The following ITGAM variants were observed in gnomAD, a reference collection of about 807,000 sequenced individuals.
ITGAM encodes integrin alpha-M.
ITGAM carries 79 observed loss-of-function variants against 137.5 expected under a neutral mutation model. The ratio of observed to expected loss-of-function variants is 0.57; its 90% confidence interval spans 0.48 to 0.69. The LOEUF is 0.69. Ranked by LOEUF, ITGAM falls within the 30% of genes least tolerant of loss-of-function variation. The pLI, the probability that ITGAM is intolerant of heterozygous loss-of-function variation, is 0.00. For synonymous variants in ITGAM, 583 were observed against 592.3 expected, an observed-to-expected ratio of 0.98 and a Z score of 0.23; for missense variants, 1,343 against 1,483.5, an observed-to-expected ratio of 0.91 and a Z score of 1.56.
At chr16:31,330,264 C>T (rs1414891665) in intron 26 of ITGAM, 44 bp from the exon 27 acceptor site, 1 of 1,586,686 alleles carries the variant, frequency 6.3e-7, no homozygotes, top group Non-Finnish European at 8.7e-7. Flanking sequence ...GTGTTCTCTG[C>T]CTTCGGCTTC....
chr16:31,324,386 C>T lies in ITGAM; in HGVS notation c.2003-13C>T, dbSNP rs1212029298. On this transcript the variant is annotated splice_polypyrimidine_tract_variant and intron_variant, in intron 16 of 29. Transcript: ENST00000544665. The surrounding 1 kb of genome is among the most constrained non-coding windows in gnomAD (Gnocchi z 4.5). ...CTCAGGCCCCTCACTGCTGTGCCAC[C>T]CTGTCCCTTCAGGACAGATCCAGAG... 1.9e-6 allele frequency: 3 copies of T among 1,550,996 alleles called. No homozygotes were observed. Among genetic ancestry groups the T allele is most frequent in the South Asian group, 2.4e-5 (2 of 84,046 alleles).
chr16:31,302,962 TTC>T (rs1225281488), intron 14 of ITGAM, among the ~76,000 whole-genome samples: 13 of 137,708 alleles, frequency 9.4e-5, no homozygotes, highest in East Asian at 4.4e-4. Context: ...CTTTCTTTCT[TTC>T]TTTCTTTCTT....
chr16:31,308,779 A>G (rs1332158297), intron 14 of ITGAM, among the ~76,000 whole-genome samples: 14 of 152,096 alleles, frequency 9.2e-5, no homozygotes, highest in South Asian at 2.1e-4. Context: ...GCTTTCTCTT[A>G]TGGGCATTTA....
chr16:31,262,390 T>G (rs143863026), intron 2 of ITGAM, among the ~76,000 whole-genome samples: 2,916 of 141,422 alleles, frequency 0.021, 168 homozygotes, highest in African/African-American at 0.077. Context: ...CTTCCTTCCT[T>G]CCTTCCTTCC....
chr16:31,261,558 C>A, intron 1 of ITGAM, 134 bp from the exon 2 acceptor site: 2 of 505,918 alleles, frequency 4.0e-6, no homozygotes, highest in Non-Finnish European at 7.2e-6. Context: ...CTCTCTGTTG[C>A]TCAGGCTGGA....
In ITGAM at chr16:31,275,667, A is replaced by G. The variant is rs1413829873; in HGVS notation, c.977A>G (p.Asn326Ser). The change falls in exon 9 of 30, where the codon AAC becomes AGC. Residue 326 changes from asparagine to serine, a missense_variant. By Grantham distance (46) the Asn-to-Ser change is conservative. Coordinates refer to ENST00000544665, the MANE Select transcript of ITGAM (RefSeq NM_000632.4). Reference sequence around the variant, plus strand: ...TTTGAGGCTCTGAAGACCATTCAGAACCAGCTTCGGGAGAAGATCTTTGCG... The same window carrying G: ...TTTGAGGCTCTGAAGACCATTCAGAGCCAGCTTCGGGAGAAGATCTTTGCG... ...NNFEALKTIQNQLREKIFAIE... is the reference protein window; with the variant it reads ...NNFEALKTIQSQLREKIFAIE... 6.2e-7 allele frequency: 1 copy of G among 1,613,814 alleles called. No individual in the cohort carries two copies. Among genetic ancestry groups the G allele is most frequent in the African/African-American group, 1.3e-5 (1 of 74,918 alleles).
chr16:31,261,481 C>T (rs1439250776), intron 1 of ITGAM, among the ~76,000 whole-genome samples: 1 of 151,622 alleles, frequency 6.6e-6, no homozygotes, highest in Admixed American at 6.6e-5. Context: ...CACACCCAGC[C>T]ATTGCTTTCT....
In ITGAM at chr16:31,331,207, C is replaced by T. The variant is rs1488948722; in HGVS notation, c.3319C>T (p.Pro1107Ser). The change falls in exon 29 of 30, where the codon CCG becomes TCG. Residue 1107 changes from proline to serine, a missense_variant. Coordinates refer to ENST00000544665, the MANE Select transcript of ITGAM (RefSeq NM_000632.4). ...VEPFEVPNPLPLIVGSSVGGL... is the reference protein window; with the variant it reads ...VEPFEVPNPLSLIVGSSVGGL... ...GCCGTTCGAGGTCCCCAACCCCCTG[C>T]CGCTCATCGTGGGCAGCTCTGTCGG... 2 of 1,613,456 alleles carry T rather than the reference C, an allele frequency of 1.2e-6. No homozygotes were observed.
rs2079897598 is a variant in ITGAM, at chr16:31,275,593, T to C, written c.903T>C (p.Asn301=). The change falls in exon 9 of 30, where the codon AAT becomes AAC. Residue 301 remains asparagine, a synonymous_variant. Coordinates refer to ENST00000544665, the MANE Select transcript of ITGAM (RefSeq NM_000632.4). ...FRSEKSRQEL[N]TIASKPPRDH... ...GTGAGAAATCCCGCCAAGAGCTTAA[T>C]ACCATCGCATCCAAGCCGCCTCGTG... The C allele has an allele frequency of 6.2e-7, 1 of 1,613,866 alleles. No individual in the cohort carries two copies.
At position 31,266,417 on chromosome 16, in the gene ITGAM, TAAA is replaced by T. The variant is rs11331941; in HGVS notation, c.427+288_427+290del. 9.2e-3 allele frequency among the ~76,000 whole-genome samples: 1,197 copies of T among 129,568 alleles called. 27 individuals are homozygous for T. The highest frequency in any genetic ancestry group is 0.032 in the African/African-American group (1,095 of 34,292). 85.0% of individuals were successfully genotyped at this position (129,568 alleles called of 152,430 possible). A position where few individuals can be genotyped will look rare whatever the true frequency, so the allele number is the denominator to read the frequency against. On this transcript the variant is annotated intron_variant, in intron 5 of 29. Coordinates refer to ENST00000544665, the MANE Select transcript of ITGAM (RefSeq NM_000632.4). The stretch of plus-strand genomic sequence containing the variant: ...GGGCAATGTAGTGAGATCCTGTCTC[TAAA>T]AAAAAAAAAAAAAAAAATTAGCTGA...
At position 31,331,290 on chromosome 16, in the gene ITGAM, T is replaced by C; in HGVS notation, c.3387+15T>C. 1.4e-6 allele frequency: 2 copies of C among 1,379,748 alleles called. No homozygotes were observed. Among genetic ancestry groups the C allele is most frequent in the African/African-American group, 1.4e-5 (1 of 69,964 alleles). The allele number at this position is 1,379,748 out of a possible 1,614,324, so 85.5% of individuals were successfully genotyped here. A position where few individuals can be genotyped will look rare whatever the true frequency, so the allele number is the denominator to read the frequency against. ...CGCTGTACAAGGTGCTCCCCGCTGC[T>C]CCCCCACCCCCTCCCTTCATCCTCT... On this transcript the variant is annotated intron_variant, in intron 29 of 29. Coordinates refer to ENST00000544665, the MANE Select transcript of ITGAM (RefSeq NM_000632.4).
Position 31,278,128 on chromosome 16 carries a change from G to A in ITGAM, c.1356+19G>A. On this transcript the variant is annotated intron_variant, in intron 12 of 29. Coordinates refer to ENST00000544665, the MANE Select transcript of ITGAM (RefSeq NM_000632.4). ...CACCCAGGTGAGTGCGGTTTGTGGA[G>A]CATGAATGTGCAAACAGAGGCGCCC... 2.5e-6 allele frequency: 4 copies of A among 1,594,976 alleles called. No homozygotes were observed. The highest frequency in any genetic ancestry group is 3.4e-6 in the Non-Finnish European group (4 of 1,169,878).
At chr16:31,270,377 C>T (rs569012757) in intron 5 of ITGAM, among the ~76,000 whole-genome samples, 1 of 152,070 alleles carries the variant, frequency 6.6e-6, no homozygotes, top group Admixed American at 6.6e-5. Flanking sequence ...GCTGGGATTA[C>T]AGGTGTGAGC....
intron 12 of ITGAM, among the ~76,000 whole-genome samples, chr16:31,287,983 G>T (rs570580147): frequency 6.6e-6 from 1 of 152,282 alleles, no homozygotes; most frequent in South Asian, 2.1e-4. Context: ...AAGGGTGATA[G>T]ATGCTTAAAG....
At chr16:31,264,982 C>T (rs2079747362) in intron 2 of ITGAM, among the ~76,000 whole-genome samples, 1 of 152,132 alleles carries the variant, frequency 6.6e-6, no homozygotes, top group South Asian at 2.1e-4. Flanking sequence ...ATTCTCTTGC[C>T]TCAGCCTCCC....
chr16:31,275,827 A>T (rs9936831), intron 9 of ITGAM, 128 bp downstream of exon 9: 109,108 of 809,402 alleles, frequency 0.13, 9,396 homozygotes, highest in African/African-American at 0.34. Context: ...TCCACTTCCT[A>T]CAGCTCCCAG....
At chr16:31,328,851 T>G (rs573461745) in intron 23 of ITGAM, among the ~76,000 whole-genome samples, 2 of 151,570 alleles carry the variant, frequency 1.3e-5, no homozygotes, top group Non-Finnish European at 2.9e-5. Flanking sequence ...TTTGTGCATG[T>G]GTGTGAGGGT....
chr16:31,280,153 T>C (rs533891010), intron 12 of ITGAM, among the ~76,000 whole-genome samples: 39 of 152,204 alleles, frequency 2.6e-4, no homozygotes, highest in Non-Finnish European at 5.1e-4. Flanking sequence ...TGTAATATAG[T>C]TTGAAGTCAG....
At chr16:31,278,214 A>G in intron 12 of ITGAM, 105 bp downstream of exon 12, 3 of 1,264,808 alleles carry the variant, frequency 2.4e-6, no homozygotes, top group Non-Finnish European at 3.3e-6. Flanking sequence ...CTTGTAAAGG[A>G]GGCTTTGGGG....
Sources: gnomAD v4.1 joint callset for allele counts (sites outside exome capture counted in the v4.1 genomes callset) on GRCh38, gnomAD v4.1.1 for gene constraint, Gnocchi (gnomAD v3.1) non-coding constraint, MANE v1.5 for transcripts, NCBI Gene and HGNC (gene_info 2026-07-23, HGNC 2026-07-21) for gene names.